The following FGD6 variants were observed in gnomAD, a reference collection of about 807,000 sequenced individuals.
FGD6 encodes FYVE, RhoGEF and PH domain containing 6, also known as FYVE, RhoGEF and PH domain-containing protein 6.
In FGD6, 90 loss-of-function variants were observed where a neutral mutation model predicts 149.4. The observed-to-expected ratio is 0.60, with a 90% CI of 0.51 to 0.72. The LOEUF is 0.72. Among genes scored for constraint, FGD6 ranks in the 30% least tolerant of loss-of-function variants. The probability of loss-of-function intolerance (pLI) is 0.00; values close to 1 mark genes in which losing one functional copy is unlikely to be tolerated. For missense variants in FGD6, 1,437 were observed against 1,684.8 expected (o/e 0.85, Z 2.57); for synonymous variants, 527 against 584.0 (o/e 0.90, Z 1.41).
chr12:95,196,465 C>T (rs548205078), intron 2 of FGD6, among the ~76,000 whole-genome samples: 3 of 151,298 alleles, frequency 2.0e-5, no homozygotes, highest in South Asian at 2.1e-4. Context: ...CTCCTGACCT[C>T]GTGATCCACC....
intron 8 of FGD6, among the ~76,000 whole-genome samples, chr12:95,113,911 A>G (rs1878920194): frequency 6.6e-6 from 1 of 152,196 alleles, no homozygotes; most frequent in African/African-American, 2.4e-5. Context: ...CTTGGAGGAA[A>G]CATTGGTTAT....
intron 7 of FGD6, among the ~76,000 whole-genome samples, chr12:95,137,134 C>T (rs1387708531): frequency 2.0e-5 from 3 of 152,072 alleles, no homozygotes; most frequent in Non-Finnish European, 2.9e-5. Flanking sequence ...AAAAAATTAG[C>T]CAGGTGTGGT....
chr12:95,134,974 G>C (rs947788164), intron 7 of FGD6, 148 bp from the exon 8 acceptor site: 1 of 622,778 alleles, frequency 1.6e-6, no homozygotes, highest in Non-Finnish European at 2.8e-6. Flanking sequence ...AGGTACAGCT[G>C]TTAGATACAC....
intron 8 of FGD6, among the ~76,000 whole-genome samples, chr12:95,115,329 C>T (rs1878972853): frequency 6.6e-6 from 1 of 151,888 alleles, no homozygotes; most frequent in Non-Finnish European, 1.5e-5. Flanking sequence ...CCTCAAATTC[C>T]TGGACTCAAC....
chr12:95,121,499 ATATT>A (rs1565901399), intron 8 of FGD6, among the ~76,000 whole-genome samples: 1 of 121,122 alleles, frequency 8.3e-6, no homozygotes, highest in African/African-American at 3.0e-5. Flanking sequence ...ATATATATAT[ATATT>A]CCTTTATAAT....
At chr12:95,204,145 T>TA (rs2056680379) in intron 2 of FGD6, among the ~76,000 whole-genome samples, 2 of 152,194 alleles carry the variant, frequency 1.3e-5, no homozygotes, top group Admixed American at 6.5e-5. Context: ...ACAGTTGCAC[T>TA]ACCAACAAAA....
chr12:95,209,384 T>C lies in FGD6; in HGVS notation c.1900A>G (p.Lys634Glu). 2.5e-6 allele frequency: 4 copies of C among 1,613,402 alleles called. No individual in the cohort carries two copies. In the East Asian group the frequency reaches 6.7e-5, roughly 27 times the overall value. The change falls in exon 2 of 21, where the codon AAA becomes GAA. Residue 634 changes from lysine (K) to glutamate (E), a missense_variant. Physicochemically the swap from Lys to Glu is moderately conservative, Grantham distance 56. Around this residue, in one of 2 missense-constraint regions of FGD6, gnomAD observed 1,055 missense variants for 1,146.0 expected, o/e 0.92. Transcript: ENST00000343958. ...KNSFKKLLSM[K>E]LSICFMKSDF... is the part of the protein sequence containing the mutation. ...CTCTTCATGAAACAGATGGACAGTT[T>C]CATGCTGAGCAACTTTTTAAAAGAG...
intron 8 of FGD6, among the ~76,000 whole-genome samples, chr12:95,120,355 T>G (rs1879152251): frequency 6.6e-6 from 1 of 151,778 alleles, no homozygotes; most frequent in Non-Finnish European, 1.5e-5. Flanking sequence ...TTATTTTTTT[T>G]GCTTCATGAT....
intron 3 of FGD6, among the ~76,000 whole-genome samples, chr12:95,167,899 GT>G (rs1880869097): frequency 1.3e-5 from 2 of 151,896 alleles, no homozygotes; most frequent in South Asian, 4.1e-4. Flanking sequence ...GGCCTGAGTT[GT>G]TACATTTAGG....
In FGD6 at chr12:95,149,172, T is replaced by TATAGCA. The variant is rs1444229588; in HGVS notation, c.2685+3638_2685+3639insTGCTAT. On this transcript the variant is annotated intron_variant, in intron 5 of 20. Coordinates refer to ENST00000343958, the MANE Select transcript of FGD6 (RefSeq NM_018351.4). ...TATATAATATATAGCATATATAATA[T>TATAGCA]TATATATTATATAATATATAGCATA... 1.6e-4 allele frequency among the ~76,000 whole-genome samples: 2 copies of TATAGCA among 12,178 alleles called. 1 individual carries two copies. The highest frequency in any genetic ancestry group is 6.7e-4 in the African/African-American group (2 of 2,984). The allele number at this position is 12,178 out of a possible 152,430, so 8.0% of individuals were successfully genotyped here.
intron 5 of FGD6, among the ~76,000 whole-genome samples, chr12:95,147,123 A>T (rs1441650000): frequency 6.6e-6 from 1 of 152,192 alleles, no homozygotes; most frequent in African/African-American, 2.4e-5. Context: ...CCCTGTCCTC[A>T]TGAAGGACAC....
At chr12:95,202,361 T>C (rs1235503943) in intron 2 of FGD6, among the ~76,000 whole-genome samples, 3 of 132,618 alleles carry the variant, frequency 2.3e-5, no homozygotes, top group African/African-American at 8.1e-5. Context: ...CACACCAGCC[T>C]GGGCGACACA....
intron 3 of FGD6, among the ~76,000 whole-genome samples, chr12:95,155,741 A>T (rs576170173): frequency 6.6e-6 from 1 of 152,310 alleles, no homozygotes; most frequent in Non-Finnish European, 1.5e-5. Flanking sequence ...GCACAGTCCC[A>T]AAGAACACCC....
chr12:95,091,881 A>G, intron 16 of FGD6, 72 bp from the exon 17 acceptor site: 1 of 1,185,108 alleles, frequency 8.4e-7, no homozygotes, highest in Admixed American at 1.9e-5. Context: ...AAAGTATGTT[A>G]CAATTTACAG....
chr12:95,085,631 A>G (rs554501731), intron 19 of FGD6, 149 bp downstream of exon 19: 1 of 788,214 alleles, frequency 1.3e-6, no homozygotes, highest in East Asian at 2.7e-5. Flanking sequence ...AACACTGTTC[A>G]CATTAAAAAT....
chr12:95,093,625 G>A (rs1332023296), intron 15 of FGD6, among the ~76,000 whole-genome samples: 8 of 150,596 alleles, frequency 5.3e-5, no homozygotes, highest in South Asian at 2.1e-4. Flanking sequence ...GTGGTGAGCC[G>A]AGATTGTGCC....
chr12:95,215,357 T>A (rs1324871481), intron 1 of FGD6, among the ~76,000 whole-genome samples: 1 of 152,172 alleles, frequency 6.6e-6, no homozygotes, highest in Non-Finnish European at 1.5e-5. Flanking sequence ...AAAAATCCCC[T>A]CCCTTAACTT....
At chr12:95,104,918 A>C in intron 14 of FGD6, 89 bp downstream of exon 14, 2 of 1,163,222 alleles carry the variant, frequency 1.7e-6, no homozygotes, top group Non-Finnish European at 2.4e-6. Context: ...GTCTCAAAAA[A>C]AACCAAAAAC....
intron 18 of FGD6, among the ~76,000 whole-genome samples, chr12:95,086,134 C>G (rs1453125163): frequency 1.3e-5 from 2 of 152,178 alleles, no homozygotes; most frequent in East Asian, 1.9e-4. Context: ...CTTGGTTTAA[C>G]TGTGCCTGCA....
Sources: allele counts gnomAD v4.1 joint callset (sites outside exome capture counted in the v4.1 genomes callset), GRCh38; gene constraint gnomAD v4.1.1; regional missense constraint gnomAD v4.1.1; transcripts MANE v1.5; gene names NCBI Gene and HGNC (gene_info 2026-07-23, HGNC 2026-07-21).